The following ZNF385B variants were observed in gnomAD, a reference collection of about 807,000 sequenced individuals.
The protein encoded by ZNF385B is zinc finger protein 385B, also known as zinc finger protein 533.
A neutral mutation model predicts 39.2 loss-of-function variants in ZNF385B; 23 were observed. That is an observed-to-expected ratio of 0.59 (90% CI 0.42 to 0.83). The LOEUF (loss-of-function observed/expected upper bound fraction) is 0.83. Ranked by LOEUF, ZNF385B falls within the 40% of genes least tolerant of loss-of-function variation. ZNF385B has a pLI of 0.00. For synonymous variants in ZNF385B, 205 were observed against 222.6 expected (o/e 0.92, Z 0.70); for missense variants, 552 against 598.9 (o/e 0.92, Z 0.82).
chr2:179,789,957 A>G (rs77016490), intron 1 of ZNF385B, among the ~76,000 whole-genome samples: 520 of 152,272 alleles, frequency 3.4e-3, no homozygotes, highest in South Asian at 7.5e-3. Flanking sequence ...TCTACATCTG[A>G]GGTTAGAAAA....
intron 1 of ZNF385B, among the ~76,000 whole-genome samples, chr2:179,840,529 A>G (rs1708485155): frequency 6.6e-6 from 1 of 152,266 alleles, no homozygotes; most frequent in African/African-American, 2.4e-5. Context: ...AGCCATTACC[A>G]TAATCCAGGA....
At chr2:179,789,435 T>C (rs368287264) in intron 1 of ZNF385B, among the ~76,000 whole-genome samples, 9 of 152,180 alleles carry the variant, frequency 5.9e-5, no homozygotes, top group Admixed American at 3.3e-4. Flanking sequence ...TTTTCAAATA[T>C]ATAAATGGGT....
At chr2:179,822,623 T>C (rs766671546) in intron 1 of ZNF385B, among the ~76,000 whole-genome samples, 2 of 152,158 alleles carry the variant, frequency 1.3e-5, no homozygotes, top group Non-Finnish European at 2.9e-5. Context: ...CCTAGACTTT[T>C]GAATTTTAAT....
At chr2:179,703,901 A>G (rs1286475511) in intron 3 of ZNF385B, among the ~76,000 whole-genome samples, 1 of 152,196 alleles carries the variant, frequency 6.6e-6, no homozygotes, top group Non-Finnish European at 1.5e-5. Flanking sequence ...TGACCACAGT[A>G]GCAGGTGTGG....
At position 179,769,598 on chromosome 2, in the gene ZNF385B, G is replaced by A. The variant is rs767574360; in HGVS notation, c.203C>T (p.Ser68Phe). 2 of 1,614,010 alleles carry A rather than the reference G, an allele frequency of 1.2e-6. No homozygotes were observed. Among genetic ancestry groups the A allele is most frequent in the Non-Finnish European group, 1.7e-6 (2 of 1,180,044 alleles). Residue 68 changes from serine (S) to phenylalanine (F), a missense_variant, in exon 3 of 10, where the codon TCC becomes TTC. By Grantham distance (155) the Ser-to-Phe change is radical (BLOSUM62 -2). Coordinates refer to ENST00000410066, the MANE Select transcript of ZNF385B (RefSeq NM_152520.6). ...TCGTTTGCGGTGGGATTTGCCGTTGGAATGCACCTGAGCCTGGGCTGCAGA... is the reference window on the plus strand; with the variant it reads ...TCGTTTGCGGTGGGATTTGCCGTTGAAATGCACCTGAGCCTGGGCTGCAGA... ...LNSAAQAQVH[S>F]NGKSHRKRVK... is the part of the protein sequence containing the mutation.
intron 3 of ZNF385B, among the ~76,000 whole-genome samples, chr2:179,730,256 A>T (rs1266549869): frequency 6.6e-6 from 1 of 152,204 alleles, no homozygotes; most frequent in Non-Finnish European, 1.5e-5. Flanking sequence ...GTCTAATTTC[A>T]ATGACAAATC....
At chr2:179,514,131 C>T (rs766173208) in intron 5 of ZNF385B, 2 of 152,212 alleles carry the variant, frequency 1.3e-5, no homozygotes, top group African/African-American at 4.8e-5. Flanking sequence ...GGGCTAACAT[C>T]GAGGTGTCAG....
At chr2:179,457,718 C>T (rs1472845621) in intron 6 of ZNF385B, among the ~76,000 whole-genome samples, 1 of 151,994 alleles carries the variant, frequency 6.6e-6, no homozygotes, top group Non-Finnish European at 1.5e-5. Flanking sequence ...ATTTTTAAAA[C>T]TGGGTTGTCA....
chr2:179,635,520 C>T lies in ZNF385B; in HGVS notation c.299-90551G>A, dbSNP rs140278085. On this transcript the variant is annotated intron_variant, in intron 3 of 9. Transcript: ENST00000410066. The stretch of plus-strand genomic sequence containing the variant: ...CATGTTATGCACATGTACCCTAGAA[C>T]TTAAAGTATAATAATAATAAAAAAA... Among the ~76,000 whole-genome samples the T allele has an allele frequency of 6.3e-4, 95 of 151,846 alleles. 1 individual carries two copies. In the South Asian group the frequency reaches 8.5e-3, roughly 14 times the overall value.
At chr2:179,704,129 T>C (rs1699413028) in intron 3 of ZNF385B, among the ~76,000 whole-genome samples, 1 of 152,200 alleles carries the variant, frequency 6.6e-6, no homozygotes, top group Non-Finnish European at 1.5e-5. Context: ...CAAATAAATA[T>C]AAACCAAATC....
chr2:179,857,301 T>C (rs949425057), intron 1 of ZNF385B, among the ~76,000 whole-genome samples: 3 of 152,160 alleles, frequency 2.0e-5, no homozygotes, highest in Non-Finnish European at 4.4e-5. Flanking sequence ...GAAGGTCCCA[T>C]GTTAGGCAAG....
intron 3 of ZNF385B, among the ~76,000 whole-genome samples, chr2:179,617,707 A>G (rs142975506): frequency 1.3e-5 from 2 of 152,268 alleles, no homozygotes; most frequent in Non-Finnish European, 2.9e-5. Flanking sequence ...CAATTTGAGA[A>G]CTATTCTTTA....
At chr2:179,505,820 A>C (rs1258660075) in intron 5 of ZNF385B, among the ~76,000 whole-genome samples, 1 of 152,090 alleles carries the variant, frequency 6.6e-6, no homozygotes, top group Non-Finnish European at 1.5e-5. Context: ...CATTTGTTTA[A>C]AAACAATAAA....
intron 3 of ZNF385B, among the ~76,000 whole-genome samples, chr2:179,705,533 C>G (rs1035451099): frequency 1.5e-4 from 23 of 152,202 alleles, no homozygotes; most frequent in African/African-American, 5.1e-4. Context: ...TTCAGAGACT[C>G]AACTTCACCT....
rs66671134 is a variant in ZNF385B, at chr2:179,634,973, CAAAAA to C, written c.299-90009_299-90005del. 9.8e-3 allele frequency among the ~76,000 whole-genome samples: 1,138 copies of C among 115,586 alleles called. 10 individuals are homozygous for C. The highest frequency in any genetic ancestry group is 0.034 in the African/African-American group (988 of 28,670). The allele number at this position is 115,586 out of a possible 152,430, so 75.8% of individuals were successfully genotyped here. On this transcript the variant is annotated intron_variant, in intron 3 of 9. Transcript: ENST00000410066. The stretch of plus-strand genomic sequence containing the variant: ...TGATACCCTGTCTCTACTAAAAATA[CAAAAA>C]AAAAAAAAAAAAAAATAGCCAGGCG...
At chr2:179,739,030 G>A (rs1163088951) in intron 3 of ZNF385B, among the ~76,000 whole-genome samples, 1 of 152,142 alleles carries the variant, frequency 6.6e-6, no homozygotes, top group Non-Finnish European at 1.5e-5. Context: ...TTAAAAGCAT[G>A]GATTCCACCA....
chr2:179,750,937 T>C (rs1264931050), intron 3 of ZNF385B, among the ~76,000 whole-genome samples: 2 of 152,120 alleles, frequency 1.3e-5, no homozygotes, highest in Non-Finnish European at 2.9e-5. Context: ...TTTAAAACTA[T>C]GTGTTTCTAC....
chr2:179,458,034 T>G (rs1208785633), intron 6 of ZNF385B, among the ~76,000 whole-genome samples: 1 of 152,210 alleles, frequency 6.6e-6, no homozygotes, highest in African/African-American at 2.4e-5. Flanking sequence ...TGCTTAGTTT[T>G]AGAAATACCT....
In ZNF385B at chr2:179,501,231, T is replaced by A. The variant is rs544455736; in HGVS notation, c.552+17297A>T. Among the ~76,000 whole-genome samples the A allele has an allele frequency of 1.6e-4, 24 of 152,264 alleles. 1 individual carries two copies. Among genetic ancestry groups the A allele is most frequent in the African/African-American group, 5.8e-4 (24 of 41,572 alleles). On this transcript the variant is annotated intron_variant, in intron 5 of 9. Transcript: ENST00000410066. ...GCTACCACATGATCCAGCAATCCCATTGCTGGGTATATACCCAAAAGGAAG... is the reference window on the plus strand; with the variant it reads ...GCTACCACATGATCCAGCAATCCCAATGCTGGGTATATACCCAAAAGGAAG...
Sources: gnomAD v4.1 joint callset for allele counts (sites outside exome capture counted in the v4.1 genomes callset) on GRCh38, gnomAD v4.1.1 for gene constraint, MANE v1.5 for transcripts, NCBI Gene and HGNC (gene_info 2026-07-23, HGNC 2026-07-21) for gene names.